NBAS: variants seen among roughly 807,000 people sequenced by gnomAD.
The protein encoded by NBAS is NAG/BC035112 fusion.
In NBAS, 219 loss-of-function variants were observed where a neutral mutation model predicts 302.5. The ratio of observed to expected loss-of-function variants is 0.72; its 90% CI spans 0.65 to 0.81. The LOEUF is 0.81. Ranked by LOEUF, NBAS falls within the 30% of genes least tolerant of loss-of-function variation. The pLI is 0.00. For missense variants in NBAS, 2,932 were observed against 2,841.6 expected, an observed-to-expected ratio of 1.03 and a Z score of -0.72; for synonymous variants, 1,118 against 1,021.6, an observed-to-expected ratio of 1.09 and a Z score of -1.80.
intron 21 of NBAS, among the ~76,000 whole-genome samples, chr2:15,457,191 C>T (rs970682440): frequency 1.3e-5 from 2 of 152,170 alleles, no homozygotes; most frequent in African/African-American, 4.8e-5. Context: ...CACAGTGAGA[C>T]AGGCATCTGG....
intron 1 of NBAS, 47 bp downstream of exon 1, chr2:15,561,141 A>T: frequency 1.9e-6 from 3 of 1,559,964 alleles, no homozygotes; most frequent in Non-Finnish European, 2.6e-6. Context: ...TCTACCCACG[A>T]AGCGCCCGCG....
At chr2:15,092,894 GGAA>G in the NBAS span, among the ~76,000 whole-genome samples, 4 of 152,232 alleles carry the variant, frequency 2.6e-5, no homozygotes, top group Middle Eastern at 3.4e-3. Flanking sequence ...TTCTGGTGGT[GGAA>G]GAAGAAGCAA....
the NBAS span, among the ~76,000 whole-genome samples, chr2:15,097,996 T>A: frequency 3.2e-5 from 3 of 93,518 alleles, no homozygotes; most frequent in African/African-American, 8.9e-5. Flanking sequence ...TATTATATTG[T>A]ATATAATATA....
intron 29 of NBAS, among the ~76,000 whole-genome samples, chr2:15,380,967 T>G (rs1675008007): frequency 6.6e-6 from 1 of 152,142 alleles, no homozygotes; most frequent in African/African-American, 2.4e-5. Flanking sequence ...AAACACTATA[T>G]CTAAGAGGGA....
At chr2:15,461,094 A>T in intron 21 of NBAS, 107 bp downstream of exon 21, 1 of 1,063,166 alleles carries the variant, frequency 9.4e-7, no homozygotes, top group Non-Finnish European at 1.3e-6. Flanking sequence ...AAAAAAGTTT[A>T]AATATATTAC....
intron 21 of NBAS, among the ~76,000 whole-genome samples, chr2:15,442,877 C>G (rs1373781224): frequency 1.3e-5 from 2 of 152,016 alleles, no homozygotes; most frequent in Non-Finnish European, 2.9e-5. Flanking sequence ...ACAAACACCT[C>G]TATGCAAATA....
At chr2:15,042,469 A>G in the NBAS span, among the ~76,000 whole-genome samples, 1 of 152,256 alleles carries the variant, frequency 6.6e-6, no homozygotes, top group African/African-American at 2.4e-5. Context: ...ATGAACAACA[A>G]TCAGGCTAAA....
chr2:15,178,089 C>T, intron 51 of NBAS: 2 of 464,008 alleles, frequency 4.3e-6, no homozygotes, highest in African/African-American at 2.0e-5. Context: ...AACCTCTTCA[C>T]TGTCTTGAGT....
chr2:14,981,427 T>C, the NBAS span, among the ~76,000 whole-genome samples: 1 of 152,180 alleles, frequency 6.6e-6, no homozygotes, highest in African/African-American at 2.4e-5. Flanking sequence ...ATGATGAAAA[T>C]ATATTCCTCC....
intron 12 of NBAS, among the ~76,000 whole-genome samples, chr2:15,484,576 G>A (rs1249731594): frequency 6.6e-6 from 1 of 152,164 alleles, no homozygotes; most frequent in South Asian, 2.1e-4. Context: ...GGGTTGTTGT[G>A]AGACAAATGA....
the NBAS span, among the ~76,000 whole-genome samples, chr2:14,936,297 A>G: frequency 1.3e-5 from 2 of 152,324 alleles, no homozygotes; most frequent in African/African-American, 2.4e-5. Flanking sequence ...CCCAAAGCTA[A>G]CCAAAATCTA....
At chr2:15,022,521 C>T in the NBAS span, among the ~76,000 whole-genome samples, 1 of 152,106 alleles carries the variant, frequency 6.6e-6, no homozygotes, top group Non-Finnish European at 1.5e-5. Context: ...TTTTAACATA[C>T]CCCCTAAAGA....
chr2:14,928,560 A>T, the NBAS span, among the ~76,000 whole-genome samples: 1 of 152,194 alleles, frequency 6.6e-6, no homozygotes, highest in Admixed American at 6.5e-5. Context: ...AAATAATAAG[A>T]ATGATTTTTA....
In NBAS at chr2:15,210,439, T is replaced by C. The variant is rs1283833723; in HGVS notation, c.6432+8334A>G. Reference sequence around the variant, plus strand: ...CAATGAGATATCATCTCACCCCAGTTAAACTGGCTTATATCCAAAAGACAG... The same window carrying C: ...CAATGAGATATCATCTCACCCCAGTCAAACTGGCTTATATCCAAAAGACAG... On this transcript the variant is annotated intron_variant, in intron 48 of 51. Transcript: ENST00000281513. Among the ~76,000 whole-genome samples, 7 of 152,240 alleles carry C rather than the reference T, an allele frequency of 4.6e-5. No individual in the cohort carries two copies. In the East Asian group the frequency reaches 1.4e-3, roughly 29 times the overall value.
the NBAS span, among the ~76,000 whole-genome samples, chr2:15,031,814 T>G: frequency 6.6e-6 from 1 of 152,152 alleles, no homozygotes; most frequent in African/African-American, 2.4e-5. Flanking sequence ...CTCATGCAAA[T>G]GATGTGGGGT....
chr2:15,500,538 A>ACG (rs1661472754), intron 11 of NBAS, among the ~76,000 whole-genome samples: 1 of 151,440 alleles, frequency 6.6e-6, no homozygotes. Flanking sequence ...ACACACACAC[A>ACG]CAAAATTAGA....
the NBAS span, among the ~76,000 whole-genome samples, chr2:14,895,168 A>AG: frequency 0.52 from 78,305 of 151,920 alleles, 21,937 homozygotes; most frequent in African/African-American, 0.74. Context: ...CCAGGTGTAT[A>AG]AAGAGAGGGA....
intron 7 of NBAS, chr2:15,538,267 C>T: frequency 2.8e-6 from 1 of 360,666 alleles, no homozygotes; most frequent in Admixed American, 3.2e-5. Context: ...TATTGTATTT[C>T]TTTTAGCCAG....
At chr2:15,267,321 T>C (rs973850005) in intron 44 of NBAS, among the ~76,000 whole-genome samples, 2 of 152,222 alleles carry the variant, frequency 1.3e-5, no homozygotes, top group Non-Finnish European at 2.9e-5. Context: ...AATAACCTTA[T>C]TCAGGCCAGA....
Sources: allele counts gnomAD v4.1 joint callset (sites outside exome capture counted in the v4.1 genomes callset), GRCh38; gene constraint gnomAD v4.1.1; transcripts MANE v1.5; gene names NCBI Gene and HGNC (gene_info 2026-07-23, HGNC 2026-07-21).